The following ATP7A variants were observed in gnomAD, a reference collection of about 807,000 sequenced individuals.
ATP7A encodes the protein ATPase copper transporting alpha, also known as copper-transporting ATPase 1.
A neutral mutation model predicts 83.5 loss-of-function variants in ATP7A; 7 were observed. That is an observed-to-expected ratio of 0.08 (90% CI 0.05 to 0.16). The LOEUF (loss-of-function observed/expected upper bound fraction) is 0.16, where lower values mean the gene tolerates loss of function less well. Ranked by LOEUF, ATP7A falls within the 10% of genes least tolerant of loss-of-function variation. The pLI is 1.00. For synonymous variants in ATP7A, 354 were observed against 395.2 expected, an observed-to-expected ratio of 0.90 and a Z score of 1.24; for missense variants, 940 against 1,120.8, an observed-to-expected ratio of 0.84 and a Z score of 2.30.
intron 14 of ATP7A, among the ~76,000 whole-genome samples, chrX:78,021,305 CAT>C (rs782197526): frequency 9.0e-6 from 1 of 111,658 alleles, no homozygotes; most frequent in South Asian, 3.7e-4. Context: ...CAAACTTTTA[CAT>C]GTTATGCTTA....
intron 1 of ATP7A, among the ~76,000 whole-genome samples, chrX:77,915,553 A>G (rs1341861679): frequency 2.7e-5 from 3 of 111,257 alleles, no homozygotes; most frequent in African/African-American, 9.8e-5. Context: ...TAAACATACA[A>G]TAAAATGTAG....
chrX:78,020,526 G>A (rs898781579), intron 13 of ATP7A, 128 bp downstream of exon 13: 2 of 840,779 alleles, frequency 2.4e-6, no homozygotes, highest in East Asian at 6.8e-5. Context: ...GTTTGTTTTT[G>A]TTTTGAGATA....
At position 78,046,457 on chromosome X, in the gene ATP7A, A is replaced by G. The variant is rs2234938; in HGVS notation, c.4390A>G (p.Ile1464Val). The change falls in exon 23 of 23, where the codon ATA becomes GTA. Residue 1464 changes from isoleucine (I) to valine (V), a missense_variant. Physicochemically the swap from Ile to Val is conservative, Grantham distance 29. Transcript: ENST00000341514. Reference sequence around the variant, plus strand: ...GATTGTTAATTATAGCAGAGCCTCTATAAACTCACTACTGTCTGATAAACG... The same window carrying G: ...GATTGTTAATTATAGCAGAGCCTCTGTAAACTCACTACTGTCTGATAAACG... ...DRIVNYSRAS[I>V]NSLLSDKRSL... 1.2e-3 allele frequency: 1,411 copies of G among 1,209,457 alleles called. 27 individuals carry two copies. In the East Asian group the frequency reaches 0.038, roughly 33 times the overall value.
chrX:77,976,277 CCAGAT>C (rs1279056594), intron 2 of ATP7A, among the ~76,000 whole-genome samples: 1 of 112,240 alleles, frequency 8.9e-6, no homozygotes, highest in Non-Finnish European at 1.9e-5. Flanking sequence ...TTTTGTGTCT[CCAGAT>C]CAGATACTTG....
Position 78,031,494 on chromosome X carries a change from C to T in ATP7A, c.3206C>T (p.Ser1069Leu). Residue 1069 changes from serine (S) to leucine (L), a missense_variant, in exon 16 of 23, where the codon TCA (serine) becomes TTA (leucine). By Grantham distance (145) the Ser-to-Leu change is moderately radical. Around this residue, in one of 3 missense-constraint regions of ATP7A, gnomAD observed 386 missense variants for 502.2 expected, o/e 0.77. Transcript: ENST00000341514. ...VKVLTESNRISHHKILAIVGT... is the reference protein window; with the variant it reads ...VKVLTESNRILHHKILAIVGT... ...GTTCTAACTGAAAGTAACAGAATAT[C>T]ACACCATAAAATCTTGGCCATTGTG... The T allele has an allele frequency of 8.3e-7, 1 of 1,210,553 alleles. No homozygotes were observed. Among genetic ancestry groups the T allele is most frequent in the Non-Finnish European group, 1.1e-6 (1 of 894,418 alleles).
chrX:77,995,499 C>T (rs1207204761), intron 4 of ATP7A, among the ~76,000 whole-genome samples: 5 of 90,876 alleles, frequency 5.5e-5, no homozygotes, highest in Non-Finnish European at 8.3e-5. Context: ...ACGTGGGAGG[C>T]GAAGGTTGCA....
intron 1 of ATP7A, chrX:77,923,187 T>A (rs1290663743): frequency 8.9e-6 from 1 of 112,386 alleles, no homozygotes; most frequent in Admixed American, 9.5e-5. Context: ...AAAGACTTAT[T>A]GGTAAACAAA....
chrX:78,004,279 A>G (rs1407794886), intron 6 of ATP7A, among the ~76,000 whole-genome samples: 1 of 112,234 alleles, frequency 8.9e-6, no homozygotes, highest in African/African-American at 3.2e-5. Context: ...GTATATACAC[A>G]TGATTAACAC....
At chrX:77,947,239 C>A (rs929915182) in intron 1 of ATP7A, among the ~76,000 whole-genome samples, 1 of 110,483 alleles carries the variant, frequency 9.1e-6, no homozygotes, top group Admixed American at 9.7e-5. Flanking sequence ...AAAGTAGTAC[C>A]GTGGTTACCA....
intron 22 of ATP7A, 63 bp downstream of exon 22, chrX:78,045,635 G>T (rs1344431122): frequency 2.0e-6 from 2 of 1,004,716 alleles, no homozygotes; most frequent in Non-Finnish European, 2.8e-6. Context: ...GTCATTCTTG[G>T]TAGGTTTTAT....
intron 1 of ATP7A, among the ~76,000 whole-genome samples, chrX:77,921,058 C>A (rs936905519): frequency 8.9e-6 from 1 of 112,217 alleles, no homozygotes; most frequent in Non-Finnish European, 1.9e-5. Context: ...GAATTTCTTT[C>A]CTTTTTATGG....
chrX:77,922,243 G>A, intron 1 of ATP7A, among the ~76,000 whole-genome samples: 1 of 111,109 alleles, frequency 9.0e-6, no homozygotes, highest in East Asian at 2.9e-4. Context: ...GGTGGCTCAC[G>A]CCTGTAATCC....
chrX:77,960,024 G>T (rs2077466342), intron 1 of ATP7A, among the ~76,000 whole-genome samples: 1 of 112,189 alleles, frequency 8.9e-6, no homozygotes, highest in African/African-American at 3.2e-5. Context: ...CTACCTGATG[G>T]AGGTACATTA....
At chrX:77,967,370 C>T (rs1260023614) in intron 1 of ATP7A, among the ~76,000 whole-genome samples, 2 of 112,171 alleles carry the variant, frequency 1.8e-5, no homozygotes, top group Non-Finnish European at 3.8e-5. Flanking sequence ...TTCCCACCAA[C>T]AGTGTAAAAG....
chrX:77,951,770 C>T (rs1388373723), intron 1 of ATP7A, among the ~76,000 whole-genome samples: 1 of 111,135 alleles, frequency 9.0e-6, no homozygotes, highest in African/African-American at 3.3e-5. Context: ...TTAGTAGAGA[C>T]GGGTTTCGCC....
Position 78,043,657 on chromosome X carries a change from C to CT in ATP7A, c.4123+241dup, listed in dbSNP as rs781972709. Among the ~76,000 whole-genome samples the CT allele has an allele frequency of 6.3e-3, 587 of 93,757 alleles. 8 individuals carry two copies. Among genetic ancestry groups the CT allele is most frequent in the South Asian group, 0.014 (28 of 2,003 alleles). 81.4% of individuals were successfully genotyped at this position (93,757 alleles called of 115,157 possible). A position where few individuals can be genotyped will look rare whatever the true frequency, so the allele number is the denominator to read the frequency against. ...GACAGATTTATTTTTTTCCCTCCAA[C>CT]TTTTTTTTTTTTTTTTTTGAGACAG... On this transcript the variant is annotated intron_variant, in intron 21 of 22. Transcript: ENST00000341514.
intron 1 of ATP7A, among the ~76,000 whole-genome samples, chrX:77,948,980 C>T (rs782120577): frequency 9.0e-5 from 10 of 110,899 alleles, no homozygotes; most frequent in Admixed American, 1.9e-4. Flanking sequence ...CAACCTCCGC[C>T]TCCCGGGTTC....
intron 7 of ATP7A, among the ~76,000 whole-genome samples, chrX:78,009,645 G>A (rs782421532): frequency 3.0e-4 from 34 of 112,143 alleles, no homozygotes; most frequent in Non-Finnish European, 6.0e-4. Flanking sequence ...CTATTTTTAA[G>A]TTAAAGTAAG....
At chrX:78,040,919 G>A (rs1374559488) in intron 19 of ATP7A, among the ~76,000 whole-genome samples, 186 bp downstream of exon 19, 1 of 111,895 alleles carries the variant, frequency 8.9e-6, no homozygotes, top group Admixed American at 9.5e-5. Flanking sequence ...GCTGTTATAC[G>A]TAAAAAGGTA....
Sources: allele counts gnomAD v4.1 joint callset (sites outside exome capture counted in the v4.1 genomes callset), GRCh38; gene constraint gnomAD v4.1.1; regional missense constraint gnomAD v4.1.1; transcripts MANE v1.5; gene names NCBI Gene and HGNC (gene_info 2026-07-23, HGNC 2026-07-21).